The following C21orf58 variants were observed in gnomAD, a reference collection of about 807,000 sequenced individuals.
C21orf58 encodes chromosome 21 open reading frame 58, also known as uncharacterized protein C21orf58.
In C21orf58, 34 loss-of-function variants were observed where a neutral mutation model predicts 35.8. The observed-to-expected ratio is 0.95, with a 90% CI of 0.72 to 1.26. The LOEUF is 1.26. Ranked by LOEUF, C21orf58 falls within the 50% of genes most tolerant of loss-of-function variation. C21orf58 has a pLI of 0.00. For missense variants in C21orf58, 440 were observed against 414.3 expected (o/e 1.06, Z -0.54); for synonymous variants, 191 against 175.8 (o/e 1.09, Z -0.68).
At chr21:46,312,882 C>G in intron 5 of C21orf58, 1 of 494,596 alleles carries the variant, frequency 2.0e-6, no homozygotes, top group Non-Finnish European at 2.6e-6. Context: ...TGTCCTCCAT[C>G]ATATACTGTA....
Position 46,323,714 on chromosome 21 carries a change from C to G in C21orf58, c.-976G>C, listed in dbSNP as rs997749538. ...ACTTCCCGCGGCGGCCCACAGCCAA[C>G]GACTAATGCCTGAGCGGGAGAAAAC... On this transcript the variant is annotated 5_prime_UTR_variant, in exon 1 of 8. Transcript: ENST00000291691. 1.0e-5 allele frequency: 2 copies of G among 193,580 alleles called. No individual in the cohort carries two copies. The highest frequency in any genetic ancestry group is 2.2e-5 in the Non-Finnish European group (2 of 92,696). 12.0% of individuals were successfully genotyped at this position (193,580 alleles called of 1,614,324 possible). A position where few individuals can be genotyped will look rare whatever the true frequency, so the allele number is the denominator to read the frequency against.
chr21:46,316,165 A>C (rs974145300), intron 3 of C21orf58, among the ~76,000 whole-genome samples: 1 of 151,928 alleles, frequency 6.6e-6, no homozygotes, highest in Non-Finnish European at 1.5e-5. Context: ...GAATAAAAAA[A>C]AAAAATCTGG....
At position 46,315,318 on chromosome 21, in the gene C21orf58, G is replaced by A. The variant is rs2082931461; in HGVS notation, c.444+156C>T. ...CAGTCCTGATGGAAACCTGCACCCA[G>A]GCAGGTCTCTAAGCTAACAGTGTCC... On this transcript the variant is annotated intron_variant, in intron 4 of 7. Transcript: ENST00000291691. 1.5e-5 allele frequency: 9 copies of A among 614,158 alleles called. No homozygotes were observed. In the South Asian group the frequency reaches 1.8e-4, roughly 12 times the overall value. The allele number at this position is 614,158 out of a possible 1,614,324, so 38.0% of individuals were successfully genotyped here.
At chr21:46,307,592 G>C (rs2082480156) in intron 6 of C21orf58, among the ~76,000 whole-genome samples, 1 of 152,132 alleles carries the variant, frequency 6.6e-6, no homozygotes, top group Non-Finnish European at 1.5e-5. Context: ...GCCACTCCAG[G>C]GGCTCCTCAT....
Position 46,315,518 on chromosome 21 carries a change from G to T in C21orf58, c.400C>A (p.Gln134Lys). The T allele has an allele frequency of 6.2e-7, 1 of 1,611,934 alleles. No individual in the cohort carries two copies. The highest frequency in any genetic ancestry group is 8.5e-7 in the Non-Finnish European group (1 of 1,178,440). ...GNEDRPDDALQTALKRRRDLL... is the reference protein window; with the variant it reads ...GNEDRPDDALKTALKRRRDLL... Reference sequence around the variant, plus strand: ...TCCCTCCTTCTCTTCAGAGCAGTCTGCAGGGCATCGTCCGGCCGGTCCTCA... The same window carrying T: ...TCCCTCCTTCTCTTCAGAGCAGTCTTCAGGGCATCGTCCGGCCGGTCCTCA... Residue 134 changes from glutamine to lysine, a missense_variant, in exon 4 of 8, where the codon CAG (glutamine) becomes AAG (lysine). Gln to Lys is a moderately conservative substitution (Grantham distance 53). Transcript: ENST00000291691.
intron 4 of C21orf58, 179 bp from the exon 5 acceptor site, chr21:46,315,059 A>G (rs1200177438): frequency 1.3e-6 from 2 of 1,497,712 alleles, no homozygotes; most frequent in Non-Finnish European, 1.8e-6. Flanking sequence ...CCTGAAATTG[A>G]CCCAAGCGTG....
In C21orf58 at chr21:46,301,986, CTG is replaced by C. The variant is rs2082123924; in HGVS notation, c.*11_*12del. 6.6e-7 allele frequency: 1 copy of C among 1,517,372 alleles called. No individual in the cohort carries two copies. Among genetic ancestry groups the C allele is most frequent in the Non-Finnish European group, 8.8e-7 (1 of 1,133,102 alleles). The allele number at this position is 1,517,372 out of a possible 1,614,324, so 94.0% of individuals were successfully genotyped here. A position where few individuals can be genotyped will look rare whatever the true frequency, so the allele number is the denominator to read the frequency against. ...GTGGAGGGTGCCCCGGCCAGGGTCT[CTG>C]TGACTCACACTCAGGGTGGGCCAGG... On this transcript the variant is annotated 3_prime_UTR_variant, in exon 8 of 8. Coordinates refer to ENST00000291691, the MANE Select transcript of C21orf58 (RefSeq NM_058180.5).
At chr21:46,320,397 T>C (rs1368592399) in intron 1 of C21orf58, among the ~76,000 whole-genome samples, 1 of 151,082 alleles carries the variant, frequency 6.6e-6, no homozygotes, top group East Asian at 2.0e-4. Flanking sequence ...CCATAGCACC[T>C]GGCCCCTGAT....
chr21:46,307,367 A>C (rs987198215), intron 6 of C21orf58, among the ~76,000 whole-genome samples: 1 of 152,052 alleles, frequency 6.6e-6, no homozygotes, highest in Admixed American at 6.6e-5. Flanking sequence ...AAGCATAGGC[A>C]CACACTCACC....
chr21:46,309,073 CTT>C (rs1179646603), intron 6 of C21orf58, among the ~76,000 whole-genome samples: 1 of 152,182 alleles, frequency 6.6e-6, no homozygotes, highest in African/African-American at 2.4e-5. Context: ...AATCCTAGTA[CTT>C]TGGGAGGCTG....
intron 1 of C21orf58, among the ~76,000 whole-genome samples, chr21:46,321,407 TGAA>T (rs536198704): frequency 6.6e-6 from 1 of 152,198 alleles, no homozygotes; most frequent in Non-Finnish European, 1.5e-5. Context: ...CACAAGTAAC[TGAA>T]GTCCACACTT....
intron 5 of C21orf58, among the ~76,000 whole-genome samples, chr21:46,312,554 G>A (rs1343116389): frequency 6.6e-6 from 1 of 151,840 alleles, no homozygotes; most frequent in Non-Finnish European, 1.5e-5. Flanking sequence ...CCTGACCTCA[G>A]GAGAGCCACC....
intron 5 of C21orf58, chr21:46,313,118 G>A (rs1453174643): frequency 1.1e-6 from 1 of 944,432 alleles, no homozygotes. Context: ...TTCCAAAGCA[G>A]GACACACCGT....
chr21:46,308,196 C>T lies in C21orf58; in HGVS notation c.721+3260G>A, dbSNP rs558400620. Among the ~76,000 whole-genome samples, 18 of 152,192 alleles carry T rather than the reference C, an allele frequency of 1.2e-4. No homozygotes were observed. The East Asian group carries it at 2.5e-3, about 21-fold the overall frequency. ...AGAAACTGCTGCCCAGGCGCGGTGG[C>T]TCACGCCCATAATCCCAGCACTTTG... is the stretch of plus-strand genomic sequence containing the variant. On this transcript the variant is annotated intron_variant, in intron 6 of 7. Coordinates refer to ENST00000291691, the MANE Select transcript of C21orf58 (RefSeq NM_058180.5).
chr21:46,315,432 C>G lies in C21orf58; in HGVS notation c.444+42G>C, dbSNP rs367689378. On this transcript the variant is annotated intron_variant, in intron 4 of 7. Coordinates refer to ENST00000291691, the MANE Select transcript of C21orf58 (RefSeq NM_058180.5). ...TAAGGCTGAGCAGCTATCTCTGCTA[C>G]AGTGAGCTCAGCCAGGTTCGCTCAG... 9.2e-5 allele frequency: 114 copies of G among 1,234,794 alleles called. 1 individual carries two copies. Among genetic ancestry groups the G allele is most frequent in the Non-Finnish European group, 1.3e-4 (107 of 834,034 alleles). 76.5% of individuals were successfully genotyped at this position (1,234,794 alleles called of 1,614,324 possible).
In C21orf58 at chr21:46,318,340, C is replaced by T. The variant is rs2083052880; in HGVS notation, c.101-120G>A. On this transcript the variant is annotated intron_variant, in intron 1 of 7. Transcript: ENST00000291691. ...CAGGCTGCCAGACACAGGGAGGCCCCAGGTTGCCAGGTTTCCACTGTGCGT... is the reference window on the plus strand; with the variant it reads ...CAGGCTGCCAGACACAGGGAGGCCCTAGGTTGCCAGGTTTCCACTGTGCGT... 3 of 1,488,656 alleles carry T rather than the reference C, an allele frequency of 2.0e-6. No individual in the cohort carries two copies. The East Asian group carries it at 7.3e-5, about 36-fold the overall frequency. 92.2% of individuals were successfully genotyped at this position (1,488,656 alleles called of 1,614,324 possible).
intron 6 of C21orf58, among the ~76,000 whole-genome samples, chr21:46,305,440 C>T (rs1371639815): frequency 6.6e-6 from 1 of 151,768 alleles, no homozygotes; most frequent in African/African-American, 2.4e-5. Flanking sequence ...AGGGATCCCC[C>T]CATCTCATCC....
Position 46,323,785 on chromosome 21 carries a change from C to A in C21orf58, c.-1047G>T. 3.4e-6 allele frequency: 1 copy of A among 297,052 alleles called. No individual in the cohort carries two copies. The allele number at this position is 297,052 out of a possible 1,614,324, so 18.4% of individuals were successfully genotyped here. A position where few individuals can be genotyped will look rare whatever the true frequency, so the allele number is the denominator to read the frequency against. The stretch of plus-strand genomic sequence containing the variant: ...GTTGCTGAGCACCGTTCGGCGCCGC[C>A]CGCGCCTGCAGGGAGCCCGGCCCGC... On this transcript the variant is annotated 5_prime_UTR_variant, in exon 1 of 8. Transcript: ENST00000291691.
chr21:46,302,241 C>T lies in C21orf58; in HGVS notation c.814-87G>A, dbSNP rs1298391443. The T allele has an allele frequency of 2.1e-6, 3 of 1,432,374 alleles. No homozygotes were observed. The African/African-American group carries it at 4.3e-5, about 21-fold the overall frequency. The allele number at this position is 1,432,374 out of a possible 1,614,324, so 88.7% of individuals were successfully genotyped here. A position where few individuals can be genotyped will look rare whatever the true frequency, so the allele number is the denominator to read the frequency against. ...CCCTGTTCCTAACTGGGGCTGGATCCCATGTGATAGGCAGGATGGCAGGGT... is the reference window on the plus strand; with the variant it reads ...CCCTGTTCCTAACTGGGGCTGGATCTCATGTGATAGGCAGGATGGCAGGGT... On this transcript the variant is annotated intron_variant, in intron 7 of 7. Transcript: ENST00000291691.
Sources: allele counts gnomAD v4.1 joint callset (sites outside exome capture counted in the v4.1 genomes callset), GRCh38; gene constraint gnomAD v4.1.1; transcripts MANE v1.5; gene names NCBI Gene and HGNC (gene_info 2026-07-23, HGNC 2026-07-21).